IMMP2L: variants seen among roughly 807,000 people sequenced by gnomAD.
IMMP2L encodes the protein mitochondrial inner membrane protease subunit 2.
Under a neutral mutation model 19.3 loss-of-function variants are expected in IMMP2L, and 18 were observed. That is an observed-to-expected ratio of 0.93 (90% CI 0.64 to 1.38). IMMP2L has a LOEUF of 1.38. Among genes scored for constraint, IMMP2L ranks in the 40% most tolerant of loss-of-function variants. The probability of loss-of-function intolerance (pLI) is 0.00; values close to 1 mark genes in which losing one functional copy is unlikely to be tolerated. For missense variants in IMMP2L, 233 were observed against 218.2 expected (o/e 1.07, Z -0.43); for synonymous variants, 76 against 73.0 (o/e 1.04, Z -0.21).
chr7:111,438,582 T>G (rs532738029), intron 3 of IMMP2L, among the ~76,000 whole-genome samples: 1 of 152,038 alleles, frequency 6.6e-6, no homozygotes, highest in South Asian at 2.1e-4. Flanking sequence ...TGATATTGTC[T>G]TATTCACACA....
chr7:111,160,278 A>G (rs1805109284), intron 3 of IMMP2L, among the ~76,000 whole-genome samples: 1 of 152,106 alleles, frequency 6.6e-6, no homozygotes, highest in African/African-American at 2.4e-5. Context: ...ATAACGCTAT[A>G]ATAAAATGCT....
At chr7:111,181,030 AT>A (rs911767814) in intron 3 of IMMP2L, among the ~76,000 whole-genome samples, 75 of 152,140 alleles carry the variant, frequency 4.9e-4, no homozygotes, top group African/African-American at 1.6e-3. Flanking sequence ...CTATACCATT[AT>A]TACTATGTTA....
At chr7:110,682,939 G>A (rs1017165994) in intron 5 of IMMP2L, among the ~76,000 whole-genome samples, 2 of 152,030 alleles carry the variant, frequency 1.3e-5, no homozygotes, top group Non-Finnish European at 2.9e-5. Context: ...AAACTTGCTT[G>A]AGTAACACAT....
chr7:110,684,394 A>G (rs1792955923), intron 5 of IMMP2L, among the ~76,000 whole-genome samples: 1 of 152,068 alleles, frequency 6.6e-6, no homozygotes, highest in South Asian at 2.1e-4. Flanking sequence ...AATTTTTTAG[A>G]GCAATGTTAT....
rs146184085 is a variant in IMMP2L, at chr7:111,508,106, T to C, written c.135+13207A>G. 8.5e-4 allele frequency among the ~76,000 whole-genome samples: 130 copies of C among 152,304 alleles called. 1 individual carries two copies. In the East Asian group the frequency reaches 0.021, roughly 24 times the overall value. ...TAAATGAATGGGCCATCCATTCAGCTGACAATCTTGTGACTGTGCTTTCTG... is the reference window on the plus strand; with the variant it reads ...TAAATGAATGGGCCATCCATTCAGCCGACAATCTTGTGACTGTGCTTTCTG... On this transcript the variant is annotated intron_variant, in intron 2 of 5. Transcript: ENST00000405709.
chr7:111,112,900 AT>A (rs1261860401), intron 3 of IMMP2L, among the ~76,000 whole-genome samples: 1 of 152,158 alleles, frequency 6.6e-6, no homozygotes, highest in Non-Finnish European at 1.5e-5. Flanking sequence ...TGTTTATTGC[AT>A]TTGAAAAAAT....
intron 5 of IMMP2L, among the ~76,000 whole-genome samples, chr7:110,816,931 C>T (rs1338898500): frequency 6.6e-6 from 1 of 152,124 alleles, no homozygotes; most frequent in African/African-American, 2.4e-5. Context: ...ATTTGCCAGA[C>T]TGCGTCTTTT....
At chr7:110,669,017 A>C (rs2130301600) in intron 5 of IMMP2L, among the ~76,000 whole-genome samples, 1 of 145,234 alleles carries the variant, frequency 6.9e-6, no homozygotes, top group East Asian at 2.1e-4. Context: ...AGAGAAACTG[A>C]ACCAACAGTA....
At chr7:111,209,476 G>A (rs936818326) in intron 3 of IMMP2L, among the ~76,000 whole-genome samples, 2 of 151,320 alleles carry the variant, frequency 1.3e-5, no homozygotes, top group African/African-American at 4.9e-5. Flanking sequence ...CAGCTAAGGT[G>A]GTAAAACTCA....
intron 3 of IMMP2L, among the ~76,000 whole-genome samples, chr7:110,993,108 C>T (rs996156790): frequency 1.3e-5 from 2 of 151,960 alleles, no homozygotes; most frequent in African/African-American, 4.8e-5. Context: ...AGAGGTAGTA[C>T]TACATCAATT....
intron 3 of IMMP2L, among the ~76,000 whole-genome samples, chr7:111,466,540 T>G (rs1840686889): frequency 6.6e-6 from 1 of 152,150 alleles, no homozygotes; most frequent in Admixed American, 6.5e-5. Context: ...ATAACTATAA[T>G]GAACAAAAAG....
intron 3 of IMMP2L, chr7:111,394,968 G>T: frequency 4.1e-6 from 1 of 241,452 alleles, no homozygotes; most frequent in South Asian, 7.8e-5. Flanking sequence ...TGAAGTATTT[G>T]AACACACTGT....
At chr7:110,811,707 T>C (rs1314796705) in intron 5 of IMMP2L, among the ~76,000 whole-genome samples, 2 of 152,182 alleles carry the variant, frequency 1.3e-5, no homozygotes, top group East Asian at 3.9e-4. Flanking sequence ...AATGAAGACA[T>C]CCAAGAGAGT....
intron 3 of IMMP2L, among the ~76,000 whole-genome samples, chr7:111,110,819 C>G (rs1438476441): frequency 1.3e-5 from 2 of 152,092 alleles, no homozygotes; most frequent in African/African-American, 4.8e-5. Context: ...CATATTGGAA[C>G]AGTAAAGTTA....
chr7:111,272,213 A>G (rs1818540086), intron 3 of IMMP2L, among the ~76,000 whole-genome samples: 1 of 152,166 alleles, frequency 6.6e-6, no homozygotes. Flanking sequence ...TATCTTGTGT[A>G]AACTCTCCCA....
chr7:111,048,535 A>T (rs893569691), intron 3 of IMMP2L, among the ~76,000 whole-genome samples: 12 of 152,166 alleles, frequency 7.9e-5, no homozygotes, highest in African/African-American at 2.9e-4. Context: ...TAATCATAGT[A>T]CTTAACATAC....
intron 3 of IMMP2L, among the ~76,000 whole-genome samples, chr7:111,377,428 G>A (rs542325625): frequency 7.9e-5 from 12 of 151,774 alleles, no homozygotes; most frequent in African/African-American, 2.9e-4. Context: ...CTATAGTATA[G>A]TATCCCTCTA....
In IMMP2L at chr7:110,869,769, G is replaced by A. The variant is rs376071474; in HGVS notation, c.408+16824C>T. 6.8e-4 allele frequency among the ~76,000 whole-genome samples: 104 copies of A among 152,156 alleles called. 3 individuals carry two copies. The South Asian group carries it at 0.019, about 27-fold the overall frequency. On this transcript the variant is annotated intron_variant, in intron 5 of 5. Coordinates refer to ENST00000405709, the MANE Select transcript of IMMP2L (RefSeq NM_032549.4). ...AAACAGTGCTATAACATTTTAGTCA[G>A]GGACAACAAAGTTTCTATTTAGATA...
intron 3 of IMMP2L, among the ~76,000 whole-genome samples, chr7:111,278,047 G>T (rs982298741): frequency 5.3e-5 from 8 of 152,072 alleles, no homozygotes; most frequent in Admixed American, 3.3e-4. Context: ...ATGGACCGTG[G>T]AGTAAAAGAC....
Sources: gnomAD v4.1 joint callset for allele counts (sites outside exome capture counted in the v4.1 genomes callset) on GRCh38, gnomAD v4.1.1 for gene constraint, MANE v1.5 for transcripts, NCBI Gene and HGNC (gene_info 2026-07-23, HGNC 2026-07-21) for gene names.